Variants in ZMAT3 observed in about 807,000 individuals in gnomAD.
ZMAT3 encodes zinc finger matrin-type 3.
ZMAT3 carries 17 observed loss-of-function variants against 32.3 expected under a neutral mutation model. The ratio of observed to expected loss-of-function variants is 0.53; its 90% CI spans 0.36 to 0.79. ZMAT3 has a LOEUF of 0.79. Among genes scored for constraint, ZMAT3 ranks in the 30% least tolerant of loss-of-function variants. The pLI is 0.00. For synonymous variants in ZMAT3, 120 were observed against 133.1 expected (o/e 0.90, Z 0.68); for missense variants, 329 against 359.7 (o/e 0.91, Z 0.69).
In ZMAT3 at chr3:179,023,710, ATTTTTTTTTT is replaced by A. The variant is rs1164517696; in HGVS notation, c.*1297_*1306del. On this transcript the variant is annotated 3_prime_UTR_variant, in exon 6 of 6. Transcript: ENST00000311417. ...GGAAAATATATCTATATATATATAT[ATTTTTTTTTT>A]TTTTTTTTTTTTTTTTTTGAGACGG... The A allele has an allele frequency of 4.0e-5, 1 of 25,072 alleles. No individual in the cohort carries two copies. The highest frequency in any genetic ancestry group is 2.7e-4 in the African/African-American group (1 of 3,680). 1.6% of individuals were successfully genotyped at this position (25,072 alleles called of 1,614,324 possible). A position where few individuals can be genotyped will look rare whatever the true frequency, so the allele number is the denominator to read the frequency against.
chr3:179,061,410 C>A (rs192643899), intron 2 of ZMAT3, among the ~76,000 whole-genome samples: 1 of 152,064 alleles, frequency 6.6e-6, no homozygotes. Flanking sequence ...AAAACCTACA[C>A]AATGAAGTAG....
rs559100509 is a variant in ZMAT3 at position 179,056,918 on chromosome 3, T to C, written c.270+10565A>G. 3.5e-4 allele frequency among the ~76,000 whole-genome samples: 53 copies of C among 152,318 alleles called. No individual in the cohort carries two copies. In the South Asian group the frequency reaches 0.011, roughly 31 times the overall value. On this transcript the variant is annotated intron_variant, in intron 2 of 5. Transcript: ENST00000311417. Reference sequence around the variant, plus strand: ...ATTCTAGCAAAAGCAGGGGCCATTATACACCTGAACATAGGAGAAGGAACA... The same window carrying C: ...ATTCTAGCAAAAGCAGGGGCCATTACACACCTGAACATAGGAGAAGGAACA...
chr3:179,055,892 G>C (rs1576869677), intron 2 of ZMAT3, among the ~76,000 whole-genome samples: 1 of 152,194 alleles, frequency 6.6e-6, no homozygotes, highest in East Asian at 1.9e-4. Flanking sequence ...ACAGAGGAAA[G>C]AACAACTCCC....
At position 179,046,390 on chromosome 3, in the gene ZMAT3, A is replaced by G. The variant is rs761513768; in HGVS notation, c.271-15391T>C. 5.9e-5 allele frequency among the ~76,000 whole-genome samples: 9 copies of G among 152,350 alleles called. No individual in the cohort carries two copies. Among genetic ancestry groups the G allele is most frequent in the Non-Finnish European group, 1.2e-4 (8 of 68,026 alleles). On this transcript the variant is annotated intron_variant, in intron 2 of 5. Transcript: ENST00000311417. The surrounding 1 kb of genome is among the most constrained non-coding windows in gnomAD (Gnocchi z 4.3). ...GCAGGGAAAATAGCAGACAGGAGGCAGGACTAACTAGCAGCTCCCACTCAG... is the reference window on the plus strand; with the variant it reads ...GCAGGGAAAATAGCAGACAGGAGGCGGGACTAACTAGCAGCTCCCACTCAG...
At position 179,030,385 on chromosome 3, in the gene ZMAT3, C is replaced by T. The variant is rs77115234; in HGVS notation, c.390+495G>A. ...TTTTTTTTTTTTTGAGATGGAGTCT[C>T]GCACTGTTGCCCAGGCTGGAGTGCA... is the stretch of plus-strand genomic sequence containing the variant. On this transcript the variant is annotated intron_variant, in intron 3 of 5. Transcript: ENST00000311417. 6.4e-4 allele frequency among the ~76,000 whole-genome samples: 91 copies of T among 142,978 alleles called. No homozygotes were observed. In the East Asian group the frequency reaches 0.013, roughly 21 times the overall value. The allele number at this position is 142,978 out of a possible 152,430, so 93.8% of individuals were successfully genotyped here.
chr3:179,061,761 G>A (rs1721163405), intron 2 of ZMAT3, among the ~76,000 whole-genome samples: 1 of 152,094 alleles, frequency 6.6e-6, no homozygotes, highest in South Asian at 2.1e-4. Flanking sequence ...GGAAATACAG[G>A]GAAGGAAACA....
At position 179,021,681 on chromosome 3, in the gene ZMAT3, A is replaced by G. The variant is rs1032061893; in HGVS notation, c.*3336T>C. On this transcript the variant is annotated 3_prime_UTR_variant, in exon 6 of 6. Transcript: ENST00000311417. ...ATGTTACAGAGACAGACTGAGCTTC[A>G]CAAAATGAAACCAACGAAGATCACA... 1.3e-5 allele frequency: 2 copies of G among 152,234 alleles called. No homozygotes were observed. Among genetic ancestry groups the G allele is most frequent in the African/African-American group, 4.8e-5 (2 of 41,450 alleles). The allele number at this position is 152,234 out of a possible 1,614,324, so 9.4% of individuals were successfully genotyped here.
At chr3:179,053,051 C>T (rs905948956) in intron 2 of ZMAT3, among the ~76,000 whole-genome samples, 4 of 151,974 alleles carry the variant, frequency 2.6e-5, no homozygotes, top group East Asian at 1.9e-4. Flanking sequence ...TCGCTTGAGC[C>T]CAGGAGGCGG....
At chr3:179,066,814 G>C (rs1209088708) in intron 2 of ZMAT3, among the ~76,000 whole-genome samples, 3 of 152,126 alleles carry the variant, frequency 2.0e-5, no homozygotes, top group African/African-American at 7.2e-5. Flanking sequence ...CTTTCCACTA[G>C]CTATTCAACA....
intron 2 of ZMAT3, among the ~76,000 whole-genome samples, chr3:179,036,685 T>C (rs538818949): frequency 6.6e-6 from 1 of 152,130 alleles, no homozygotes; most frequent in Admixed American, 6.5e-5. Context: ...CAATATGAGA[T>C]TGAGACAACC....
intron 1 of ZMAT3, among the ~76,000 whole-genome samples, chr3:179,070,584 T>C (rs997224406): frequency 6.6e-6 from 1 of 152,236 alleles, no homozygotes; most frequent in African/African-American, 2.4e-5. Flanking sequence ...CTTCAGTGAA[T>C]GCATGAATGA....
chr3:179,025,282 A>G (rs944801714), intron 5 of ZMAT3, 54 bp from the exon 6 acceptor site: 11 of 1,378,570 alleles, frequency 8.0e-6, no homozygotes, highest in Non-Finnish European at 1.0e-5. Flanking sequence ...GTGAATGACA[A>G]CCTGACCAAT....
intron 2 of ZMAT3, among the ~76,000 whole-genome samples, chr3:179,048,066 G>A (rs1720340759): frequency 6.6e-6 from 1 of 152,152 alleles, no homozygotes; most frequent in Non-Finnish European, 1.5e-5. Flanking sequence ...GAACTTCAGA[G>A]CTCAAATATA....
At chr3:179,031,412 A>G (rs912735569) in intron 2 of ZMAT3, among the ~76,000 whole-genome samples, 1 of 151,786 alleles carries the variant, frequency 6.6e-6, no homozygotes, top group African/African-American at 2.4e-5. Flanking sequence ...AAAAAAAAAG[A>G]AAAAAACACA....
rs1718657888 is a variant in ZMAT3 at position 179,023,496 on chromosome 3, C to T, written c.*1521G>A. ...CAGGTGGTGATATTTTTCAGGATGG[C>T]CACCAGACTGGCAAGACAGAGGAAA... On this transcript the variant is annotated 3_prime_UTR_variant, in exon 6 of 6. Transcript: ENST00000311417. 1 of 150,192 alleles carries T rather than the reference C, an allele frequency of 6.7e-6. No individual in the cohort carries two copies. The highest frequency in any genetic ancestry group is 1.5e-5 in the Non-Finnish European group (1 of 67,716). 9.3% of individuals were successfully genotyped at this position (150,192 alleles called of 1,614,324 possible). A position where few individuals can be genotyped will look rare whatever the true frequency, so the allele number is the denominator to read the frequency against.
intron 2 of ZMAT3, among the ~76,000 whole-genome samples, chr3:179,044,331 A>G (rs1720111696): frequency 6.6e-6 from 1 of 152,242 alleles, no homozygotes; most frequent in African/African-American, 2.4e-5. Flanking sequence ...CCGAATGTCC[A>G]TCAATGATAG....
intron 2 of ZMAT3, among the ~76,000 whole-genome samples, chr3:179,051,972 C>T (rs888890099): frequency 1.3e-5 from 2 of 152,126 alleles, no homozygotes; most frequent in South Asian, 2.1e-4. Context: ...ATTGGCAAGT[C>T]GCACGTAGAA....
chr3:179,023,689 A>AATATATAAATATATATATATATATAT lies in ZMAT3; in HGVS notation c.*1327_*1328insATATATATATATATATATTTATATAT, dbSNP rs1232846996. ...CTTTGTTTCCTAAAAACTGCTGGAA[A>AATATATAAATATATATATATATATAT]ATATATCTATATATATATATATTTT... On this transcript the variant is annotated 3_prime_UTR_variant, in exon 6 of 6. Coordinates refer to ENST00000311417, the MANE Select transcript of ZMAT3 (RefSeq NM_022470.4). 6.2e-4 allele frequency: 26 copies of AATATATAAATATATATATATATATAT among 42,264 alleles called. 1 individual carries two copies. Among genetic ancestry groups the AATATATAAATATATATATATATATAT allele is most frequent in the African/African-American group, 2.7e-3 (20 of 7,454 alleles). 2.6% of individuals were successfully genotyped at this position (42,264 alleles called of 1,614,324 possible). A position where few individuals can be genotyped will look rare whatever the true frequency, so the allele number is the denominator to read the frequency against.
chr3:179,058,293 G>A (rs1720955356), intron 2 of ZMAT3, among the ~76,000 whole-genome samples: 1 of 152,196 alleles, frequency 6.6e-6, no homozygotes, highest in Non-Finnish European at 1.5e-5. Context: ...CTGCGACTGT[G>A]CACTTGTGCA....
Sources: gnomAD v4.1 joint callset for allele counts (sites outside exome capture counted in the v4.1 genomes callset) on GRCh38, gnomAD v4.1.1 for gene constraint, Gnocchi (gnomAD v3.1) non-coding constraint, MANE v1.5 for transcripts, NCBI Gene and HGNC (gene_info 2026-07-23, HGNC 2026-07-21) for gene names.